LRP4: variants seen among roughly 807,000 people sequenced by gnomAD.
The protein encoded by LRP4 is LDL receptor related protein 4, also known as low-density lipoprotein receptor-related protein 4.
LRP4 carries 95 observed loss-of-function variants against 220.3 expected under a neutral mutation model. That is an observed-to-expected ratio of 0.43 (90% CI 0.37 to 0.51). The LOEUF is 0.51. Among genes scored for constraint, LRP4 ranks in the 20% least tolerant of loss-of-function variants. The pLI, the probability that LRP4 is intolerant of heterozygous loss-of-function variation, is 0.00. For synonymous variants in LRP4, 903 were observed against 954.6 expected (o/e 0.95, Z 1.00); for missense variants, 1,925 against 2,567.0 (o/e 0.75, Z 5.40).
rs1325437129 is a variant in LRP4, at chr11:46,895,902, C to T, written c.1165G>A (p.Asp389Asn). 6.2e-7 allele frequency: 1 copy of T among 1,613,442 alleles called. No homozygotes were observed. The highest frequency in any genetic ancestry group is 1.1e-5 in the South Asian group (1 of 91,090). The change falls in exon 10 of 38, where the codon GAT (aspartate) becomes AAT (asparagine). Residue 389 changes from aspartate (D) to asparagine (N), a missense_variant. Coordinates refer to ENST00000378623, the MANE Select transcript of LRP4 (RefSeq NM_002334.4). ...TCHTGYRLTE[D>N]GHTCQDVNEC... ...AGCTCACCTTGGCACGTGTGCCCAT[C>T]CTCTGTGAGCCGGTAGCCTGTGTGG...
chr11:46,891,163 G>C (rs1463772621), intron 13 of LRP4, among the ~76,000 whole-genome samples: 1 of 151,826 alleles, frequency 6.6e-6, no homozygotes, highest in African/African-American at 2.4e-5. Flanking sequence ...GCCCAGGCTG[G>C]AATGCAGTGG....
intron 1 of LRP4, among the ~76,000 whole-genome samples, chr11:46,905,312 A>G (rs954443710): frequency 2.6e-5 from 4 of 152,126 alleles, no homozygotes; most frequent in Non-Finnish European, 4.4e-5. Flanking sequence ...CTTTTGGTGA[A>G]CTCTAGCTGG....
At chr11:46,872,942 T>A in intron 30 of LRP4, 158 bp downstream of exon 30, 2 of 1,102,986 alleles carry the variant, frequency 1.8e-6, no homozygotes, top group South Asian at 1.3e-5. Flanking sequence ...GATTTAGCAA[T>A]CGCTGCTCTA....
rs967109286 is a variant in LRP4 at position 46,857,825 on chromosome 11, CCA to C, written c.*1156_*1157del. 3.9e-5 allele frequency: 6 copies of C among 152,588 alleles called. No individual in the cohort carries two copies. Among genetic ancestry groups the C allele is most frequent in the African/African-American group, 1.4e-4 (6 of 41,412 alleles). The allele number at this position is 152,588 out of a possible 1,614,324, so 9.5% of individuals were successfully genotyped here. A position where few individuals can be genotyped will look rare whatever the true frequency, so the allele number is the denominator to read the frequency against. On this transcript the variant is annotated 3_prime_UTR_variant, in exon 38 of 38. Coordinates refer to ENST00000378623, the MANE Select transcript of LRP4 (RefSeq NM_002334.4). ...GGGGACAGCTGGAAGAGGAACATCA[CCA>C]CCCCGTAGCCACAGGCTTGCTGTCC...
chr11:46,858,667 G>C lies in LRP4; in HGVS notation c.*316C>G, dbSNP rs1454266487. On this transcript the variant is annotated 3_prime_UTR_variant, in exon 38 of 38. Coordinates refer to ENST00000378623, the MANE Select transcript of LRP4 (RefSeq NM_002334.4). ...TGAGAAGCAGGCACTGAGGGTACTG[G>C]GGAAAGGGGAGGTGGAGCTCTACGC... 2.5e-6 allele frequency: 1 copy of C among 403,610 alleles called. No homozygotes were observed. Among genetic ancestry groups the C allele is most frequent in the Non-Finnish European group, 4.7e-6 (1 of 212,402 alleles). 25.0% of individuals were successfully genotyped at this position (403,610 alleles called of 1,614,324 possible). A position where few individuals can be genotyped will look rare whatever the true frequency, so the allele number is the denominator to read the frequency against.
intron 10 of LRP4, among the ~76,000 whole-genome samples, 174 bp downstream of exon 10, chr11:46,895,710 G>A (rs1941513819): frequency 6.6e-6 from 1 of 152,230 alleles, no homozygotes; most frequent in Non-Finnish European, 1.5e-5. Flanking sequence ...TATCCTCTCT[G>A]TGCTTCAGTC....
rs76269497 is a variant in LRP4, at chr11:46,861,395, T to A, written c.5385+1211A>T. ...TGCTAGATAGGCCAAAGAAGTAGAC[T>A]GATGAGGATCTTCATAAGGAATAAC... On this transcript the variant is annotated intron_variant, in intron 37 of 37. Coordinates refer to ENST00000378623, the MANE Select transcript of LRP4 (RefSeq NM_002334.4). 3.7e-4 allele frequency among the ~76,000 whole-genome samples: 57 copies of A among 152,184 alleles called. No individual in the cohort carries two copies. The East Asian group carries it at 0.01, about 28-fold the overall frequency.
chr11:46,887,173 C>G (rs1020415932), intron 16 of LRP4, among the ~76,000 whole-genome samples: 3 of 152,174 alleles, frequency 2.0e-5, no homozygotes, highest in African/African-American at 7.2e-5. Flanking sequence ...CTGGCCACTC[C>G]TCTACGTAGT....
intron 35 of LRP4, 104 bp from the exon 36 acceptor site, chr11:46,864,639 C>T: frequency 2.5e-6 from 2 of 793,976 alleles, no homozygotes; most frequent in Non-Finnish European, 4.4e-6. Flanking sequence ...GGTGTTGGAC[C>T]CCATACCATC....
At chr11:46,903,815 C>A (rs564559914) in intron 1 of LRP4, among the ~76,000 whole-genome samples, 7 of 152,200 alleles carry the variant, frequency 4.6e-5, no homozygotes, top group Non-Finnish European at 7.3e-5. Context: ...TAACTGGGAC[C>A]TGCCAGGGCC....
At chr11:46,867,896 CCT>C in intron 34 of LRP4, 81 bp downstream of exon 34, 3 of 1,541,640 alleles carry the variant, frequency 1.9e-6, no homozygotes, top group Non-Finnish European at 2.7e-6. Context: ...CTCCCAACTG[CCT>C]TATCAAGCTG....
At chr11:46,915,242 A>G (rs988428149) in intron 1 of LRP4, among the ~76,000 whole-genome samples, 2 of 152,240 alleles carry the variant, frequency 1.3e-5, no homozygotes, top group African/African-American at 2.4e-5. Flanking sequence ...GACCAGTCTC[A>G]GCTCAATTGC....
chr11:46,896,979 G>C lies in LRP4; in HGVS notation c.812C>G (p.Thr271Arg). The C allele has an allele frequency of 6.2e-7, 1 of 1,614,134 alleles. No homozygotes were observed. Among genetic ancestry groups the C allele is most frequent in the Non-Finnish European group, 8.5e-7 (1 of 1,179,996 alleles). ...TGAGTGACAGCGGAACTGTTCTGCC[G>C]TACACATGGAGGTGGCTGGGCAAAG... ...DERNCTTSMC[T>R]AEQFRCHSGR... is the part of the protein sequence containing the mutation. Residue 271 changes from threonine (T) to arginine (R), a missense_variant, in exon 8 of 38, where the codon ACG becomes AGG. Coordinates refer to ENST00000378623, the MANE Select transcript of LRP4 (RefSeq NM_002334.4).
At chr11:46,864,238 G>A (rs1254897003) in intron 36 of LRP4, among the ~76,000 whole-genome samples, 3 of 152,208 alleles carry the variant, frequency 2.0e-5, no homozygotes, top group East Asian at 1.9e-4. Context: ...GGTTGTTACA[G>A]TCATTCAATA....
intron 16 of LRP4, among the ~76,000 whole-genome samples, chr11:46,886,837 T>TTGC (rs1474234917): frequency 6.6e-5 from 10 of 152,202 alleles, no homozygotes; most frequent in Non-Finnish European, 1.3e-4. Context: ...GTGTCCTGGC[T>TTGC]TGCCCACTGC....
Position 46,888,561 on chromosome 11 carries a change from A to AAAAAAAAG in LRP4, c.2215+849_2215+850insCTTTTTTT, listed in dbSNP as rs1218012980. The stretch of plus-strand genomic sequence containing the variant: ...GCAAAACTGTCTCAAAAAAAAAAAA[A>AAAAAAAAG]AAAAAAAAAAAAGAATGCAAGGGGA... On this transcript the variant is annotated intron_variant, in intron 16 of 37. Transcript: ENST00000378623. Among the ~76,000 whole-genome samples the AAAAAAAAG allele has an allele frequency of 6.2e-4, 93 of 148,994 alleles. 3 individuals are homozygous for AAAAAAAAG. The highest frequency in any genetic ancestry group is 1.1e-3 in the Non-Finnish European group (77 of 67,302).
At chr11:46,902,684 G>A (rs901936593) in intron 2 of LRP4, 99 bp downstream of exon 2, 5 of 1,423,554 alleles carry the variant, frequency 3.5e-6, no homozygotes, top group Middle Eastern at 2.4e-4. Context: ...CTCTGAGTCC[G>A]ACACAGTTGA....
At position 46,873,675 on chromosome 11, in the gene LRP4, AC is replaced by A; in HGVS notation, c.4230-83del. On this transcript the variant is annotated intron_variant, in intron 28 of 37. Coordinates refer to ENST00000378623, the MANE Select transcript of LRP4 (RefSeq NM_002334.4). The surrounding 1 kb of genome is among the most constrained non-coding windows in gnomAD (Gnocchi z 4.2). ...CTTTAACCCATGTTCCCATAACTGG[AC>A]CCCACTGAACTGTAAGCTCCACAGG... 1.8e-6 allele frequency: 2 copies of A among 1,108,356 alleles called. No individual in the cohort carries two copies. Among genetic ancestry groups the A allele is most frequent in the Non-Finnish European group, 1.3e-6 (1 of 752,984 alleles). The allele number at this position is 1,108,356 out of a possible 1,614,324, so 68.7% of individuals were successfully genotyped here.
At chr11:46,861,924 C>A (rs555926339) in intron 37 of LRP4, among the ~76,000 whole-genome samples, 1 of 151,692 alleles carries the variant, frequency 6.6e-6, no homozygotes, top group Non-Finnish European at 1.5e-5. Context: ...CAAAATTAGC[C>A]GGGCATGGTG....
Sources: gnomAD v4.1 joint callset for allele counts (sites outside exome capture counted in the v4.1 genomes callset) on GRCh38, gnomAD v4.1.1 for gene constraint, Gnocchi (gnomAD v3.1) non-coding constraint, MANE v1.5 for transcripts, NCBI Gene and HGNC (gene_info 2026-07-23, HGNC 2026-07-21) for gene names.